TPP2: variants seen among roughly 807,000 people sequenced by gnomAD.
TPP2 encodes tripeptidyl peptidase 2, also known as tripeptidyl-peptidase 2.
Under a neutral mutation model 155.9 loss-of-function variants are expected in TPP2, and 34 were observed. That is an observed-to-expected ratio of 0.22 (90% CI 0.17 to 0.29). The LOEUF (loss-of-function observed/expected upper bound fraction) is 0.29, where lower values mean the gene tolerates loss of function less well. Ranked by LOEUF, TPP2 falls within the 10% of genes least tolerant of loss-of-function variation. The pLI is 1.00. For synonymous variants in TPP2, 510 were observed against 529.4 expected (o/e 0.96, Z 0.50); for missense variants, 1,028 against 1,522.3 (o/e 0.68, Z 5.40).
intron 27 of TPP2, among the ~76,000 whole-genome samples, chr13:102,667,536 G>T (rs900478213): frequency 2.0e-5 from 3 of 152,148 alleles, no homozygotes; most frequent in Non-Finnish European, 4.4e-5. Flanking sequence ...AATTGTAAAA[G>T]CCTGTAGAAA....
Position 102,633,943 on chromosome 13 carries a change from C to G in TPP2, c.1245-7C>G. 3.1e-6 allele frequency: 5 copies of G among 1,613,804 alleles called. No individual in the cohort carries two copies. Among genetic ancestry groups the G allele is most frequent in the Non-Finnish European group, 4.2e-6 (5 of 1,179,810 alleles). On this transcript the variant is annotated splice_region_variant and splice_polypyrimidine_tract_variant and intron_variant, in intron 10 of 29. Coordinates refer to ENST00000376052, the MANE Select transcript of TPP2 (RefSeq NM_001330588.2). ...TCCTAAGCAAACTTCAATGGCTTTC[C>G]ATTTAGTGCTGACGGGGCCCTTGGT...
At chr13:102,647,954 T>C (rs1883236072) in intron 21 of TPP2, among the ~76,000 whole-genome samples, 2 of 152,118 alleles carry the variant, frequency 1.3e-5, no homozygotes, top group Non-Finnish European at 2.9e-5. Flanking sequence ...CAAATGAAAA[T>C]AATTTATGGA....
At chr13:102,599,690 G>T (rs1176534660) in intron 1 of TPP2, among the ~76,000 whole-genome samples, 1 of 152,176 alleles carries the variant, frequency 6.6e-6, no homozygotes, top group Non-Finnish European at 1.5e-5. Context: ...TAGTAGTTAC[G>T]TAAGTGATTT....
chr13:102,646,393 A>G lies in TPP2; in HGVS notation c.2490+3A>G, dbSNP rs773176089. ...TCCTGACATATAACTTTCATCAAGT[A>G]AGTGTTTGCCTAGTAAAGTGTACCC... On this transcript the variant is annotated splice_donor_region_variant and intron_variant, in intron 20 of 29. Transcript: ENST00000376052. 6.2e-7 allele frequency: 1 copy of G among 1,608,972 alleles called. No individual in the cohort carries two copies. Among genetic ancestry groups the G allele is most frequent in the Non-Finnish European group, 8.5e-7 (1 of 1,177,364 alleles).
At chr13:102,627,745 T>G in intron 7 of TPP2, 103 bp from the exon 8 acceptor site, 2 of 793,938 alleles carry the variant, frequency 2.5e-6, no homozygotes, top group South Asian at 1.7e-5. Flanking sequence ...AATTAGAATA[T>G]GATTGGCTAA....
Position 102,657,036 on chromosome 13 carries a change from ATCTC to A in TPP2, c.2992-15_2992-12del. ...TAAAATTAAGCATATTAATCTAAGA[ATCTC>A]TCTCCACATTCGTAGGATGTAATCC... On this transcript the variant is annotated splice_polypyrimidine_tract_variant and intron_variant, in intron 24 of 29. Coordinates refer to ENST00000376052, the MANE Select transcript of TPP2 (RefSeq NM_001330588.2). 2 of 1,574,086 alleles carry A rather than the reference ATCTC, an allele frequency of 1.3e-6. No homozygotes were observed. Among genetic ancestry groups the A allele is most frequent in the Non-Finnish European group, 1.7e-6 (2 of 1,167,560 alleles).
chr13:102,614,123 C>T lies in TPP2; in HGVS notation c.317C>T (p.Pro106Leu), dbSNP rs750242145. 8 of 1,613,074 alleles carry T rather than the reference C, an allele frequency of 5.0e-6. No homozygotes were observed. The East Asian group carries it at 1.8e-4, about 36-fold the overall frequency. Reference protein sequence around the residue: ...VLKIPASWTNPSGKYHIGIKN... With the variant: ...VLKIPASWTNLSGKYHIGIKN... ...TAGATTCCTGCAAGCTGGACAAATC[C>T]CTCAGGCAAATATCATATTGGCATA... is the stretch of plus-strand genomic sequence containing the variant. The change falls in exon 3 of 30, where the codon CCC becomes CTC. Residue 106 changes from proline to leucine, a missense_variant. Around this residue, in one of 7 missense-constraint regions of TPP2, gnomAD observed 300 missense variants for 398.3 expected, o/e 0.75. Coordinates refer to ENST00000376052, the MANE Select transcript of TPP2 (RefSeq NM_001330588.2).
At position 102,644,611 on chromosome 13, in the gene TPP2, G is replaced by C. The variant is rs1882981500; in HGVS notation, c.2230G>C (p.Val744Leu). Residue 744 changes from valine to leucine, a missense_variant, in exon 18 of 30, where the codon GTC becomes CTC. Val to Leu is a conservative substitution (Grantham distance 32, BLOSUM62 1). Around this residue, in one of 7 missense-constraint regions of TPP2, gnomAD observed 325 missense variants for 463.7 expected, o/e 0.70. Transcript: ENST00000376052. ...TCGTTGGTGGGCAAGTCTCAGTGAT[G>C]TCAACATTGATTATACCATTTCTTT... ...IARWWASLSDVNIDYTISFHG... is the reference protein window; with the variant it reads ...IARWWASLSDLNIDYTISFHG... 2 of 1,613,112 alleles carry C rather than the reference G, an allele frequency of 1.2e-6. No individual in the cohort carries two copies. Among genetic ancestry groups the C allele is most frequent in the South Asian group, 2.2e-5 (2 of 90,830 alleles).
rs1178897214 is a variant in TPP2 at position 102,623,273 on chromosome 13, C to T, written c.784+233C>T. ...AAAGCATGTTCCAACATCAGAAAATCCATCAATAGGCTGGGTGCAGTGGCT... is the reference window on the plus strand; with the variant it reads ...AAAGCATGTTCCAACATCAGAAAATTCATCAATAGGCTGGGTGCAGTGGCT... On this transcript the variant is annotated intron_variant, in intron 6 of 29. Coordinates refer to ENST00000376052, the MANE Select transcript of TPP2 (RefSeq NM_001330588.2). Among the ~76,000 whole-genome samples the T allele has an allele frequency of 2.6e-5, 4 of 152,088 alleles. No homozygotes were observed. In the East Asian group the frequency reaches 5.8e-4, roughly 22 times the overall value.
intron 2 of TPP2, among the ~76,000 whole-genome samples, chr13:102,607,405 T>C (rs1429957509): frequency 6.6e-6 from 1 of 152,188 alleles, no homozygotes; most frequent in Non-Finnish European, 1.5e-5. Context: ...GGGTTAGAAA[T>C]GCTCAGCCTT....
intron 2 of TPP2, among the ~76,000 whole-genome samples, chr13:102,608,825 G>A (rs1880045778): frequency 6.6e-6 from 1 of 150,906 alleles, no homozygotes; most frequent in Non-Finnish European, 1.5e-5. Flanking sequence ...CTTGTTCTCT[G>A]CTTTTTATGT....
At chr13:102,651,980 A>G (rs942163146) in intron 24 of TPP2, among the ~76,000 whole-genome samples, 1 of 152,222 alleles carries the variant, frequency 6.6e-6, no homozygotes, top group African/African-American at 2.4e-5. Flanking sequence ...TTTTAAGCCC[A>G]TCGCTACTAA....
intron 25 of TPP2, among the ~76,000 whole-genome samples, chr13:102,658,613 A>G (rs536590831): frequency 4.1e-4 from 63 of 152,352 alleles, no homozygotes; most frequent in African/African-American, 9.6e-4. Flanking sequence ...GCAAATGAAG[A>G]AGCATCTATT....
chr13:102,610,916 C>T (rs1454019462), intron 2 of TPP2, among the ~76,000 whole-genome samples: 1 of 152,204 alleles, frequency 6.6e-6, no homozygotes, highest in Non-Finnish European at 1.5e-5. Context: ...CCTGCATCCT[C>T]CTATATCACA....
At chr13:102,599,662 TG>T (rs1879278145) in intron 1 of TPP2, among the ~76,000 whole-genome samples, 1 of 152,112 alleles carries the variant, frequency 6.6e-6, no homozygotes, top group African/African-American at 2.4e-5. Context: ...AAGTGGAGGA[TG>T]GGTGGCATGA....
intron 2 of TPP2, among the ~76,000 whole-genome samples, chr13:102,612,811 A>G (rs907149948): frequency 6.6e-5 from 10 of 152,130 alleles, no homozygotes; most frequent in Non-Finnish European, 1.3e-4. Flanking sequence ...TTTTTAAGAA[A>G]TTGTGATTAA....
chr13:102,657,004 A>T (rs1472001734), intron 24 of TPP2, 52 bp from the exon 25 acceptor site: 1 of 1,532,520 alleles, frequency 6.5e-7, no homozygotes, highest in African/African-American at 1.4e-5. Context: ...GATGATTTTG[A>T]TGTATGTAAA....
Position 102,618,860 on chromosome 13 carries a change from A to C in TPP2, c.620+14A>C. ...CGAAGTCTGGAGGTAAACTTCGTGT[A>C]TTTTATACATCTTCATTTACAAATG... is the stretch of plus-strand genomic sequence containing the variant. On this transcript the variant is annotated intron_variant, in intron 5 of 29. Coordinates refer to ENST00000376052, the MANE Select transcript of TPP2 (RefSeq NM_001330588.2). The C allele has an allele frequency of 6.3e-7, 1 of 1,590,710 alleles. No homozygotes were observed. The highest frequency in any genetic ancestry group is 8.5e-7 in the Non-Finnish European group (1 of 1,171,284).
At chr13:102,640,462 A>G in intron 16 of TPP2, 86 bp downstream of exon 16, 1 of 1,023,308 alleles carries the variant, frequency 9.8e-7, no homozygotes, top group East Asian at 2.6e-5. Flanking sequence ...TATCTGTAGC[A>G]TGTATTTCCC....
Sources: gnomAD v4.1 joint callset for allele counts (sites outside exome capture counted in the v4.1 genomes callset) on GRCh38, gnomAD v4.1.1 for gene constraint, gnomAD v4.1.1 regional missense constraint, MANE v1.5 for transcripts, NCBI Gene and HGNC (gene_info 2026-07-23, HGNC 2026-07-21) for gene names.